SYNPR: variants seen among roughly 807,000 people sequenced by gnomAD.
SYNPR encodes synaptoporin.
Under a neutral mutation model 32.9 loss-of-function variants are expected in SYNPR, and 23 were observed. The ratio of observed to expected loss-of-function variants is 0.70; its 90% CI spans 0.50 to 0.99. The LOEUF (loss-of-function observed/expected upper bound fraction) is 0.99. Among genes scored for constraint, SYNPR ranks in the 50% least tolerant of loss-of-function variants. SYNPR has a pLI of 0.00. For missense variants in SYNPR, 318 were observed against 349.3 expected (o/e 0.91, Z 0.71); for synonymous variants, 146 against 135.9 (o/e 1.07, Z -0.52).
chr3:63,456,906 C>G (rs975981309), intron 2 of SYNPR, among the ~76,000 whole-genome samples: 14 of 152,046 alleles, frequency 9.2e-5, no homozygotes, highest in Non-Finnish European at 1.6e-4. Context: ...AAATGAGGAC[C>G]AAACACGAAT....
At chr3:63,387,246 C>G (rs2088058151) in intron 2 of SYNPR, among the ~76,000 whole-genome samples, 1 of 152,122 alleles carries the variant, frequency 6.6e-6, no homozygotes, top group Non-Finnish European at 1.5e-5. Flanking sequence ...AAATATATAA[C>G]TCAATATTTT....
chr3:63,218,179 G>T, the SYNPR span, among the ~76,000 whole-genome samples: 1 of 152,244 alleles, frequency 6.6e-6, no homozygotes, highest in East Asian at 1.9e-4. Context: ...CAAGGGCAAG[G>T]CTATGTCTAA....
At chr3:63,217,788 T>G in the SYNPR span, among the ~76,000 whole-genome samples, 1 of 152,134 alleles carries the variant, frequency 6.6e-6, no homozygotes, top group Non-Finnish European at 1.5e-5. Flanking sequence ...GAAGGGCACA[T>G]TGTTAAATGA....
intron 3 of SYNPR, among the ~76,000 whole-genome samples, chr3:63,487,166 C>G (rs7621849): frequency 0.43 from 65,672 of 151,922 alleles, 14,233 homozygotes; most frequent in East Asian, 0.49. Context: ...GATTATGAGT[C>G]AATCAAATAT....
At chr3:63,393,613 T>A (rs1249141204) in intron 2 of SYNPR, among the ~76,000 whole-genome samples, 1 of 148,994 alleles carries the variant, frequency 6.7e-6, no homozygotes, top group Non-Finnish European at 1.5e-5. Context: ...TTCTCCCACC[T>A]GAGCCTTGTG....
chr3:63,600,062 G>C (rs534483741), intron 4 of SYNPR, among the ~76,000 whole-genome samples: 3 of 152,164 alleles, frequency 2.0e-5, no homozygotes, highest in Admixed American at 2.0e-4. Context: ...TGGAAAGCTT[G>C]TGATACGCTG....
chr3:63,306,301 A>G (rs974015797), intron 2 of SYNPR, among the ~76,000 whole-genome samples: 2 of 151,944 alleles, frequency 1.3e-5, no homozygotes, highest in Non-Finnish European at 2.9e-5. Context: ...GGAGGAAAGC[A>G]TCACTCCTTG....
rs982929635 is a variant in SYNPR at position 63,234,970 on chromosome 3, C to T, written n.66+6590C>T. ...AAAAAATCCTTTTACAATTTGTCTA[C>T]AATCTCCCCCCAATGGAGGACGTTT... On this transcript the variant is annotated intron_variant and non_coding_transcript_variant, in intron 1 of 4. Coordinates refer to the SYNPR transcript ENST00000478456. 2.6e-5 allele frequency among the ~76,000 whole-genome samples: 4 copies of T among 152,200 alleles called. No individual in the cohort carries two copies. The South Asian group carries it at 8.3e-4, about 31-fold the overall frequency.
intron 2 of SYNPR, among the ~76,000 whole-genome samples, chr3:63,363,368 G>C (rs1368956838): frequency 6.6e-6 from 1 of 152,172 alleles, no homozygotes; most frequent in Admixed American, 6.5e-5. Context: ...TTCAGGATCA[G>C]CAAGGCTGGT....
chr3:63,318,502 G>C (rs1276982726), intron 2 of SYNPR, among the ~76,000 whole-genome samples: 1 of 151,806 alleles, frequency 6.6e-6, no homozygotes, highest in African/African-American at 2.4e-5. Context: ...CAAAGACCTT[G>C]TCTTTGAGCT....
At chr3:63,563,078 A>G (rs1379116898) in intron 4 of SYNPR, among the ~76,000 whole-genome samples, 1 of 152,158 alleles carries the variant, frequency 6.6e-6, no homozygotes, top group African/African-American at 2.4e-5. Flanking sequence ...GTAGTTCCTT[A>G]GTCCCACAAA....
intron 2 of SYNPR, among the ~76,000 whole-genome samples, chr3:63,355,617 A>G (rs960765258): frequency 3.3e-5 from 5 of 152,102 alleles, no homozygotes; most frequent in African/African-American, 1.2e-4. Context: ...AATCTTCCCT[A>G]TAACTTCTGA....
chr3:63,560,211 C>A (rs955188741), intron 4 of SYNPR, among the ~76,000 whole-genome samples: 1 of 152,154 alleles, frequency 6.6e-6, no homozygotes, highest in Admixed American at 6.5e-5. Context: ...TATTAAAAAA[C>A]TGAAGTGCTC....
rs532711449 is a variant in SYNPR at position 63,445,065 on chromosome 3, C to G, written c.85-35767C>G. Among the ~76,000 whole-genome samples, 3 of 152,082 alleles carry G rather than the reference C, an allele frequency of 2.0e-5. No individual in the cohort carries two copies. The South Asian group carries it at 6.2e-4, about 32-fold the overall frequency. ...CACCTCTTCCCCTCCCCAACACACA[C>G]ACATCCAATCCCTCAACGTCCTTTA... On this transcript the variant is annotated intron_variant, in intron 2 of 5. Coordinates refer to ENST00000478300, the MANE Select transcript of SYNPR (RefSeq NM_001130003.2).
intron 3 of SYNPR, 85 bp from the exon 4 acceptor site, chr3:63,556,457 AT>A: frequency 8.1e-7 from 1 of 1,238,614 alleles, no homozygotes; most frequent in Non-Finnish European, 1.1e-6. Context: ...ATCACATCCC[AT>A]TTTGCTTTAG....
At position 63,616,249 on chromosome 3, in the gene SYNPR, A is replaced by G. The variant is rs1290650995; in HGVS notation, c.*768A>G. The G allele has an allele frequency of 6.6e-6, 1 of 152,204 alleles. No homozygotes were observed. The highest frequency in any genetic ancestry group is 1.5e-5 in the Non-Finnish European group (1 of 68,030). The allele number at this position is 152,204 out of a possible 1,614,324, so 9.4% of individuals were successfully genotyped here. On this transcript the variant is annotated 3_prime_UTR_variant, in exon 6 of 6. Transcript: ENST00000478300. Reference sequence around the variant, plus strand: ...TACATATGATAACTGCCCAATATTTATTCTATTTACTTAGCTAAATATTTG... The same window carrying G: ...TACATATGATAACTGCCCAATATTTGTTCTATTTACTTAGCTAAATATTTG...
In SYNPR at chr3:63,239,075, A is replaced by G. The variant is rs781072456; in HGVS notation, n.66+10695A>G. 9.9e-5 allele frequency among the ~76,000 whole-genome samples: 15 copies of G among 152,134 alleles called. 1 individual carries two copies. The highest frequency in any genetic ancestry group is 1.5e-4 in the Non-Finnish European group (10 of 68,022). ...CATCTTCCTATGGAGCTGACCATTA[A>G]TTAGGTTGTATGTGCACAGGCTCCT... On this transcript the variant is annotated intron_variant and non_coding_transcript_variant, in intron 1 of 4. Transcript: ENST00000478456.
intron 2 of SYNPR, among the ~76,000 whole-genome samples, chr3:63,453,114 G>C (rs2106638722): frequency 6.6e-6 from 1 of 152,224 alleles, no homozygotes; most frequent in East Asian, 1.9e-4. Context: ...ACGTTTTAAT[G>C]ATCTCCAGAT....
chr3:63,220,904 T>C, the SYNPR span, among the ~76,000 whole-genome samples: 4 of 152,210 alleles, frequency 2.6e-5, no homozygotes, highest in African/African-American at 7.2e-5. Flanking sequence ...ATTTGGTCTT[T>C]TCTGTTAACT....
Sources: gnomAD v4.1 joint callset for allele counts (sites outside exome capture counted in the v4.1 genomes callset) on GRCh38, gnomAD v4.1.1 for gene constraint, MANE v1.5 for transcripts, NCBI Gene and HGNC (gene_info 2026-07-23, HGNC 2026-07-21) for gene names.